FHIT: variants seen among roughly 807,000 people sequenced by gnomAD.
FHIT encodes bis(5'-adenosyl)-triphosphatase.
FHIT carries 19 observed loss-of-function variants against 17.9 expected under a neutral mutation model. The ratio of observed to expected loss-of-function variants is 1.06; its 90% confidence interval spans 0.74 to 1.56. The LOEUF (loss-of-function observed/expected upper bound fraction) is 1.56, where lower values mean the gene tolerates loss of function less well. Ranked by LOEUF, FHIT falls within the 40% of genes most tolerant of loss-of-function variation. The probability of loss-of-function intolerance (pLI) is 0.00; values close to 1 mark genes in which losing one functional copy is unlikely to be tolerated. For missense variants in FHIT, 248 were observed against 189.2 expected (o/e 1.31, Z -1.82); for synonymous variants, 81 against 69.7 (o/e 1.16, Z -0.81).
intron 4 of FHIT, among the ~76,000 whole-genome samples, chr3:60,630,287 C>A (rs115243927): frequency 1.3e-5 from 2 of 152,094 alleles, no homozygotes; most frequent in Non-Finnish European, 2.9e-5. Context: ...GTGAGGAAGT[C>A]GACACCAAAA....
At chr3:59,772,289 C>A in intron 8 of FHIT, among the ~76,000 whole-genome samples, 1 of 152,248 alleles carries the variant, frequency 6.6e-6, no homozygotes, top group Non-Finnish European at 1.5e-5. Flanking sequence ...CTCCTTGAAT[C>A]TCACTTTTAT....
chr3:60,324,115 T>C (rs1429091515), intron 5 of FHIT, among the ~76,000 whole-genome samples: 1 of 152,142 alleles, frequency 6.6e-6, no homozygotes, highest in East Asian at 1.9e-4. Flanking sequence ...GGCATTCAAA[T>C]ACAAGTAAAC....
intron 5 of FHIT, among the ~76,000 whole-genome samples, chr3:60,197,849 A>C (rs1001275634): frequency 6.6e-6 from 1 of 152,158 alleles, no homozygotes; most frequent in Non-Finnish European, 1.5e-5. Context: ...TTGAACCTTT[A>C]GTTTCAAGGC....
At chr3:60,664,547 A>C (rs2040337036) in intron 4 of FHIT, among the ~76,000 whole-genome samples, 1 of 151,874 alleles carries the variant, frequency 6.6e-6, no homozygotes. Context: ...GATAATATAA[A>C]ATTGGCATTA....
At chr3:59,752,917 G>C (rs1559571947) in intron 8 of FHIT, among the ~76,000 whole-genome samples, 1 of 152,184 alleles carries the variant, frequency 6.6e-6, no homozygotes, top group Non-Finnish European at 1.5e-5. Context: ...AGCACTGTAA[G>C]AATGGACTAA....
intron 4 of FHIT, among the ~76,000 whole-genome samples, chr3:60,560,804 C>CAT (rs1220110175): frequency 5.0e-5 from 2 of 39,630 alleles, no homozygotes; most frequent in Non-Finnish European, 1.0e-4. Flanking sequence ...TGTAAGGAGA[C>CAT]ACACACACAC....
At chr3:60,056,532 T>C (rs1197679175) in intron 5 of FHIT, among the ~76,000 whole-genome samples, 2 of 152,232 alleles carry the variant, frequency 1.3e-5, no homozygotes, top group Non-Finnish European at 2.9e-5. Flanking sequence ...ATTCCAAGTA[T>C]ACGCTTTTGA....
chr3:60,571,389 A>G (rs1483238343), intron 4 of FHIT, among the ~76,000 whole-genome samples: 1 of 149,454 alleles, frequency 6.7e-6, no homozygotes, highest in African/African-American at 2.4e-5. Context: ...TATTACCAAC[A>G]CTGAGATCAA....
chr3:61,017,875 A>G (rs544782360), intron 3 of FHIT, among the ~76,000 whole-genome samples: 6 of 152,332 alleles, frequency 3.9e-5, no homozygotes, highest in Non-Finnish European at 7.3e-5. Context: ...AAATTTCCAC[A>G]AAATACTGGA....
At chr3:60,365,726 T>A (rs1700080114) in intron 5 of FHIT, among the ~76,000 whole-genome samples, 1 of 152,178 alleles carries the variant, frequency 6.6e-6, no homozygotes, top group Admixed American at 6.5e-5. Context: ...TCTTAAGATT[T>A]ATTATTAAGA....
intron 5 of FHIT, among the ~76,000 whole-genome samples, chr3:60,191,835 C>T (rs886430012): frequency 2.0e-5 from 3 of 152,010 alleles, no homozygotes; most frequent in Non-Finnish European, 2.9e-5. Flanking sequence ...CATTTTTAAA[C>T]ATTTTTACAG....
rs555530941 is a variant in FHIT, at chr3:60,661,764, A to G, written c.-17-124785T>C. 5.1e-4 allele frequency among the ~76,000 whole-genome samples: 78 copies of G among 152,272 alleles called. 1 individual carries two copies. Among genetic ancestry groups the G allele is most frequent in the African/African-American group, 1.8e-3 (73 of 41,556 alleles). ...GCCATTCTTGCAGCTGTAAGGTAGT[A>G]TTACATTGTGGTTTTGACTCGCATG... On this transcript the variant is annotated intron_variant, in intron 4 of 9. Transcript: ENST00000492590.
intron 2 of FHIT, among the ~76,000 whole-genome samples, chr3:61,098,901 T>G (rs2035728874): frequency 6.6e-6 from 1 of 151,900 alleles, no homozygotes. Flanking sequence ...TGCATTTGAA[T>G]GCACTTTATT....
intron 8 of FHIT, among the ~76,000 whole-genome samples, chr3:59,833,239 T>A (rs1331572084): frequency 2.0e-5 from 3 of 152,146 alleles, no homozygotes; most frequent in Non-Finnish European, 4.4e-5. Context: ...CCTCAATATG[T>A]GACATTATTT....
chr3:59,794,178 G>T (rs1299026754), intron 8 of FHIT, among the ~76,000 whole-genome samples: 1 of 152,148 alleles, frequency 6.6e-6, no homozygotes, highest in African/African-American at 2.4e-5. Flanking sequence ...GAGAACATCT[G>T]CAATTCTCTA....
intron 5 of FHIT, among the ~76,000 whole-genome samples, chr3:60,085,682 T>C (rs1241862118): frequency 6.6e-6 from 1 of 152,184 alleles, no homozygotes; most frequent in Non-Finnish European, 1.5e-5. Flanking sequence ...AGAAGATACA[T>C]CTCCAAAGTC....
intron 4 of FHIT, among the ~76,000 whole-genome samples, chr3:60,566,303 C>T (rs571400396): frequency 5.3e-5 from 8 of 152,170 alleles, no homozygotes; most frequent in African/African-American, 9.6e-5. Context: ...GCTGGTTCAA[C>T]ATACGCAAAT....
chr3:61,011,553 TAACTGTATAAAGTCTTCC>T (rs1258426843), intron 3 of FHIT, among the ~76,000 whole-genome samples: 2 of 152,118 alleles, frequency 1.3e-5, no homozygotes, highest in Non-Finnish European at 2.9e-5. Flanking sequence ...ATACAGTCTA[TAACTGTATAAAGTCTTCC>T]AACTGGAGTT....
chr3:60,256,611 A>T (rs1706007920), intron 5 of FHIT, among the ~76,000 whole-genome samples: 1 of 152,192 alleles, frequency 6.6e-6, no homozygotes, highest in Non-Finnish European at 1.5e-5. Context: ...TCCAAATACC[A>T]GTCAAGCACT....
Sources: gnomAD v4.1 joint callset for allele counts (sites outside exome capture counted in the v4.1 genomes callset) on GRCh38, gnomAD v4.1.1 for gene constraint, MANE v1.5 for transcripts, NCBI Gene and HGNC (gene_info 2026-07-23, HGNC 2026-07-21) for gene names.